Variants in OMA1 observed in about 807,000 individuals in gnomAD.
The protein encoded by OMA1 is metalloendopeptidase OMA1, mitochondrial.
Under a neutral mutation model 30.9 loss-of-function variants are expected in OMA1, and 38 were observed. That is an observed-to-expected ratio of 1.23 (90% confidence interval 0.95 to 1.61). The LOEUF (loss-of-function observed/expected upper bound fraction) is 1.61, where lower values mean the gene tolerates loss of function less well. Among genes scored for constraint, OMA1 ranks in the 40% most tolerant of loss-of-function variants. OMA1 has a pLI of 0.00. For synonymous variants in OMA1, 173 were observed against 121.9 expected (o/e 1.42, Z -2.76); for missense variants, 461 against 349.2 (o/e 1.32, Z -2.55).
chr1:58,504,666 T>C (rs956415433), intron 8 of OMA1, among the ~76,000 whole-genome samples: 1 of 152,208 alleles, frequency 6.6e-6, no homozygotes, highest in African/African-American at 2.4e-5. Context: ...GATTAATCAA[T>C]AAGTATCAAT....
At chr1:58,536,406 T>C in intron 3 of OMA1, 107 bp downstream of exon 3, 1 of 642,970 alleles carries the variant, frequency 1.6e-6, no homozygotes, top group Non-Finnish European at 2.8e-6. Context: ...GCTAATTTCA[T>C]ATCAAAGACT....
chr1:58,505,098 G>A (rs925516325), intron 8 of OMA1, among the ~76,000 whole-genome samples: 10 of 152,076 alleles, frequency 6.6e-5, no homozygotes, highest in African/African-American at 1.4e-4. Flanking sequence ...GATTACAGGC[G>A]CATGCCACCA....
At chr1:58,494,498 A>G (rs1024391976) in intron 8 of OMA1, among the ~76,000 whole-genome samples, 3 of 152,226 alleles carry the variant, frequency 2.0e-5, no homozygotes, top group Admixed American at 2.0e-4. Context: ...AGAATGGGAG[A>G]AAATTTTTGC....
chr1:58,482,989 A>T (rs917391250), intron 8 of OMA1, among the ~76,000 whole-genome samples: 1 of 152,226 alleles, frequency 6.6e-6, no homozygotes, highest in Non-Finnish European at 1.5e-5. Flanking sequence ...AACACCTAAA[A>T]GCAGTAAGTC....
intron 8 of OMA1, among the ~76,000 whole-genome samples, chr1:58,482,376 G>A (rs1218010000): frequency 6.6e-6 from 1 of 152,204 alleles, no homozygotes; most frequent in Non-Finnish European, 1.5e-5. Flanking sequence ...AGGGTTGAGG[G>A]ACTGGCTGCT....
intron 5 of OMA1, among the ~76,000 whole-genome samples, chr1:58,531,065 A>G (rs926503782): frequency 6.6e-6 from 1 of 152,240 alleles, no homozygotes; most frequent in African/African-American, 2.4e-5. Context: ...TGAGATAGAG[A>G]GAGGTTAAGA....
At chr1:58,526,395 T>C (rs1318380669) in intron 7 of OMA1, among the ~76,000 whole-genome samples, 2 of 152,088 alleles carry the variant, frequency 1.3e-5, no homozygotes, top group Non-Finnish European at 2.9e-5. Flanking sequence ...TAACAAAGGA[T>C]CAATTAAAAC....
chr1:58,488,935 G>C (rs6694699), intron 8 of OMA1, among the ~76,000 whole-genome samples: 16,390 of 152,310 alleles, frequency 0.11, 1,008 homozygotes, highest in Middle Eastern at 0.16. Context: ...TTTCATGAAA[G>C]ATGTGTACTT....
chr1:58,527,130 C>G (rs1646364616), intron 7 of OMA1, 131 bp downstream of exon 7: 9 of 601,560 alleles, frequency 1.5e-5, no homozygotes, highest in Non-Finnish European at 2.4e-5. Context: ...TCTAGATTAA[C>G]AGAAATTACA....
intron 5 of OMA1, among the ~76,000 whole-genome samples, chr1:58,533,646 T>C (rs1481309131): frequency 2.0e-5 from 3 of 152,176 alleles, no homozygotes; most frequent in Non-Finnish European, 4.4e-5. Context: ...AGTATATTAA[T>C]AATTATAGAA....
chr1:58,534,298 CAGTT>C lies in OMA1; in HGVS notation c.759_762del (p.Thr254ArgfsTer16). 1 of 862,874 alleles carries C rather than the reference CAGTT, an allele frequency of 1.2e-6. No individual in the cohort carries two copies. Among genetic ancestry groups the C allele is most frequent in the Non-Finnish European group, 2.0e-6 (1 of 499,232 alleles). 53.5% of individuals were successfully genotyped at this position (862,874 alleles called of 1,614,324 possible). On this transcript the variant is annotated frameshift_variant, in exon 4 of 9. Coordinates refer to ENST00000371226, the MANE Select transcript of OMA1 (RefSeq NM_145243.5). LOFTEE classifies it high-confidence loss of function. ...ACAGCCAGGTATCGGGCATCTTTCT[CAGTT>C]AGCATATCATTTTTAAATTCTTCCA...
intron 7 of OMA1, among the ~76,000 whole-genome samples, chr1:58,518,544 G>C (rs1232460382): frequency 3.3e-5 from 5 of 151,586 alleles, no homozygotes; most frequent in African/African-American, 1.2e-4. Context: ...ACTGGAGATG[G>C]GAACATACTG....
At chr1:58,538,048 G>A (rs1646545706) in intron 2 of OMA1, among the ~76,000 whole-genome samples, 1 of 152,146 alleles carries the variant, frequency 6.6e-6, no homozygotes, top group African/African-American at 2.4e-5. Context: ...AACACAATAA[G>A]TTACAAATAG....
At chr1:58,502,678 C>A (rs1050312341) in intron 8 of OMA1, among the ~76,000 whole-genome samples, 1 of 152,208 alleles carries the variant, frequency 6.6e-6, no homozygotes, top group African/African-American at 2.4e-5. Context: ...AAACTGCCTT[C>A]TTTCATTATA....
At chr1:58,526,208 T>C (rs1646347506) in intron 7 of OMA1, among the ~76,000 whole-genome samples, 1 of 152,102 alleles carries the variant, frequency 6.6e-6, no homozygotes, top group Admixed American at 6.5e-5. Context: ...GGCCCCCTTA[T>C]GTGGGAACTT....
chr1:58,519,518 T>A (rs1169661928), intron 7 of OMA1, among the ~76,000 whole-genome samples: 5 of 152,122 alleles, frequency 3.3e-5, no homozygotes, highest in African/African-American at 1.2e-4. Flanking sequence ...AGGCTCTGAA[T>A]GAGTGAAGAG....
chr1:58,530,118 T>G (rs929845979), intron 6 of OMA1, among the ~76,000 whole-genome samples: 2 of 152,178 alleles, frequency 1.3e-5, no homozygotes, highest in African/African-American at 4.8e-5. Context: ...CCTGACTTCG[T>G]GATCCACCCA....
At chr1:58,495,341 G>C (rs1183752606) in intron 8 of OMA1, among the ~76,000 whole-genome samples, 3 of 152,078 alleles carry the variant, frequency 2.0e-5, no homozygotes, top group East Asian at 1.9e-4. Flanking sequence ...AATGGGTGCA[G>C]CACACCAACA....
At chr1:58,504,117 A>G (rs1473853131) in intron 8 of OMA1, among the ~76,000 whole-genome samples, 2 of 152,182 alleles carry the variant, frequency 1.3e-5, no homozygotes, top group Non-Finnish European at 2.9e-5. Context: ...TGATCACAAT[A>G]AAACATGAGT....
Sources: gnomAD v4.1 joint callset for allele counts (sites outside exome capture counted in the v4.1 genomes callset) on GRCh38, gnomAD v4.1.1 for gene constraint, MANE v1.5 for transcripts, NCBI Gene and HGNC (gene_info 2026-07-23, HGNC 2026-07-21) for gene names.